The following IFT122 variants were observed in gnomAD, a reference collection of about 807,000 sequenced individuals.
IFT122 encodes intraflagellar transport protein 122 homolog.
In IFT122, 118 loss-of-function variants were observed where a neutral mutation model predicts 161.6. The ratio of observed to expected loss-of-function variants is 0.73; its 90% confidence interval spans 0.63 to 0.85. IFT122 has a LOEUF of 0.85. Among genes scored for constraint, IFT122 ranks in the 40% least tolerant of loss-of-function variants. The pLI is 0.00. For missense variants in IFT122, 1,381 were observed against 1,579.6 expected, an observed-to-expected ratio of 0.87 and a Z score of 2.13; for synonymous variants, 550 against 602.4, an observed-to-expected ratio of 0.91 and a Z score of 1.27.
chr3:129,451,529 G>A (rs1286052219), intron 2 of IFT122, among the ~76,000 whole-genome samples: 1 of 152,190 alleles, frequency 6.6e-6, no homozygotes, highest in African/African-American at 2.4e-5. Context: ...ATTTAGTGCA[G>A]AGCTGGCATT....
rs189910722 is a variant in IFT122 at position 129,495,062 on chromosome 3, C to T, written c.2047-384C>T. Among the ~76,000 whole-genome samples, 17 of 152,302 alleles carry T rather than the reference C, an allele frequency of 1.1e-4. No individual in the cohort carries two copies. The East Asian group carries it at 3.1e-3, about 28-fold the overall frequency. On this transcript the variant is annotated intron_variant, in intron 17 of 29. Transcript: ENST00000348417. The stretch of plus-strand genomic sequence containing the variant: ...AAACATTCTCCTGCTCTGTCATCCC[C>T]ATGAGCCACAACTCTGCCAAACGGG...
chr3:129,463,084 G>GT (rs2076353558), intron 5 of IFT122: 1 of 155,020 alleles, frequency 6.5e-6, no homozygotes, highest in South Asian at 2.0e-4. Flanking sequence ...TAGATTCATA[G>GT]TAAGTTACAA....
rs757286584 is a variant in IFT122, at chr3:129,466,883, T to A, written c.564-7T>A. ...TGTAATTTTGAACAACTACTTACTG[T>A]CTACAGCCGATGGGAGAGTTTCTGG... On this transcript the variant is annotated splice_polypyrimidine_tract_variant and splice_region_variant and intron_variant, in intron 7 of 29. Transcript: ENST00000348417. 1 of 1,613,532 alleles carries A rather than the reference T, an allele frequency of 6.2e-7. No individual in the cohort carries two copies. The highest frequency in any genetic ancestry group is 1.3e-5 in the African/African-American group (1 of 75,054).
At chr3:129,443,265 G>A (rs956106322) in intron 1 of IFT122, among the ~76,000 whole-genome samples, 6 of 152,214 alleles carry the variant, frequency 3.9e-5, no homozygotes, top group African/African-American at 1.4e-4. Context: ...GAGGCACTGT[G>A]GGACATTGGT....
chr3:129,514,172 A>G (rs1425158262), intron 24 of IFT122: 2 of 684,544 alleles, frequency 2.9e-6, no homozygotes, highest in African/African-American at 3.5e-5. Flanking sequence ...ATTAATGGAA[A>G]CTACGCTGTT....
intron 28 of IFT122, 55 bp downstream of exon 28, chr3:129,519,241 G>C: frequency 6.9e-7 from 1 of 1,454,966 alleles, no homozygotes; most frequent in Non-Finnish European, 9.7e-7. Context: ...CCCTTCTCCT[G>C]TGCACATGGG....
chr3:129,507,125 A>G (rs1168804776), intron 22 of IFT122, among the ~76,000 whole-genome samples: 1 of 152,178 alleles, frequency 6.6e-6, no homozygotes, highest in African/African-American at 2.4e-5. Flanking sequence ...CTGCATGCCC[A>G]TCTGTCCTGT....
rs116564681 is a variant in IFT122 at position 129,510,325 on chromosome 3, G to A, written c.2887-1987G>A. Among the ~76,000 whole-genome samples, 676 of 152,208 alleles carry A rather than the reference G, an allele frequency of 4.4e-3. 4 individuals are homozygous for A. The highest frequency in any genetic ancestry group is 7.0e-3 in the Non-Finnish European group (477 of 67,986). On this transcript the variant is annotated intron_variant, in intron 23 of 29. Transcript: ENST00000348417. ...CTTCTCAGCACATTTTTTGCCTCTT[G>A]GGAAAGTCTGGCAAGAAGGACTCCT...
At chr3:129,463,404 C>T (rs1185782181) in intron 5 of IFT122, 156 bp from the exon 6 acceptor site, 10 of 641,906 alleles carry the variant, frequency 1.6e-5, no homozygotes, top group African/African-American at 5.5e-5. Flanking sequence ...TAAATGGAAT[C>T]GTACAGTATA....
Position 129,449,854 on chromosome 3 carries a change from C to G in IFT122, c.42-17C>G, listed in dbSNP as rs752213678. The stretch of plus-strand genomic sequence containing the variant: ...ATTTTGGTTCCTAATTGTCTTTTTC[C>G]CTTGTCTTCTGTTCAGTATAAATGA... On this transcript the variant is annotated splice_polypyrimidine_tract_variant and intron_variant, in intron 1 of 29. Transcript: ENST00000348417. 7.5e-6 allele frequency: 12 copies of G among 1,600,368 alleles called. No individual in the cohort carries two copies. In the Admixed American group the frequency reaches 1.0e-4, roughly 13 times the overall value.
chr3:129,484,542 T>TATAC (rs2079057066), intron 15 of IFT122, among the ~76,000 whole-genome samples: 1 of 152,248 alleles, frequency 6.6e-6, no homozygotes, highest in Admixed American at 6.5e-5. Context: ...CTTTTATGTG[T>TATAC]ATACGTATTG....
At chr3:129,440,826 T>C (rs2072940266) in intron 1 of IFT122, among the ~76,000 whole-genome samples, 1 of 152,240 alleles carries the variant, frequency 6.6e-6, no homozygotes, top group Non-Finnish European at 1.5e-5. Flanking sequence ...CCAGTGTCAC[T>C]TGCTCTAAAT....
intron 9 of IFT122, among the ~76,000 whole-genome samples, chr3:129,472,610 C>T (rs1305533699): frequency 6.6e-6 from 1 of 152,134 alleles, no homozygotes; most frequent in African/African-American, 2.4e-5. Flanking sequence ...ACATTGATAT[C>T]GTTCTGTCTT....
chr3:129,458,381 T>C (rs559549573), intron 3 of IFT122, among the ~76,000 whole-genome samples: 18 of 152,290 alleles, frequency 1.2e-4, no homozygotes, highest in African/African-American at 3.1e-4. Context: ...CTACATGTAG[T>C]AGGCTCCCAA....
intron 21 of IFT122, among the ~76,000 whole-genome samples, chr3:129,504,884 G>A (rs762914062): frequency 6.6e-6 from 1 of 150,622 alleles, no homozygotes; most frequent in Non-Finnish European, 1.5e-5. Flanking sequence ...AATAAGGGAG[G>A]ATTGCCACAC....
chr3:129,449,112 A>AC (rs2074416209), intron 1 of IFT122, among the ~76,000 whole-genome samples: 1 of 152,164 alleles, frequency 6.6e-6, no homozygotes, highest in South Asian at 2.1e-4. Context: ...AGACTCTTTT[A>AC]CCTTCACTAT....
chr3:129,517,921 A>G (rs534244228), intron 27 of IFT122, among the ~76,000 whole-genome samples: 9 of 152,302 alleles, frequency 5.9e-5, no homozygotes, highest in South Asian at 2.1e-4. Context: ...ACATGATGTC[A>G]TGATGTCGGT....
chr3:129,519,245 A>G (rs2084429155), intron 28 of IFT122, 59 bp downstream of exon 28: 1 of 1,443,682 alleles, frequency 6.9e-7, no homozygotes, highest in Non-Finnish European at 9.8e-7. Flanking sequence ...TCTCCTGTGC[A>G]CATGGGGACC....
At chr3:129,459,928 A>T (rs1380211692) in intron 4 of IFT122, among the ~76,000 whole-genome samples, 1 of 147,492 alleles carries the variant, frequency 6.8e-6, no homozygotes, top group African/African-American at 2.5e-5. Flanking sequence ...CAATTTTTAA[A>T]TTTTTTTTTT....
Sources: allele counts gnomAD v4.1 joint callset (sites outside exome capture counted in the v4.1 genomes callset), GRCh38; gene constraint gnomAD v4.1.1; transcripts MANE v1.5; gene names NCBI Gene and HGNC (gene_info 2026-07-23, HGNC 2026-07-21).